Variants in CHST9 observed in about 807,000 individuals in gnomAD.
CHST9 encodes the protein carbohydrate sulfotransferase 9.
In CHST9, 41 loss-of-function variants were observed where a neutral mutation model predicts 44.4. The observed-to-expected ratio is 0.92, with a 90% CI of 0.72 to 1.20. CHST9 has a LOEUF of 1.20. Among genes scored for constraint, CHST9 ranks in the 50% most tolerant of loss-of-function variants. The probability of loss-of-function intolerance (pLI) is 0.00; values close to 1 mark genes in which losing one functional copy is unlikely to be tolerated. For synonymous variants in CHST9, 171 were observed against 178.4 expected (o/e 0.96, Z 0.33); for missense variants, 504 against 516.5 (o/e 0.98, Z 0.23).
At chr18:26,987,820 A>C (rs1311011079) in intron 4 of CHST9, among the ~76,000 whole-genome samples, 1 of 152,166 alleles carries the variant, frequency 6.6e-6, no homozygotes, top group Non-Finnish European at 1.5e-5. Context: ...CCTTTCCACC[A>C]TGTGAGGACC....
chr18:26,987,852 C>A (rs184355024), intron 4 of CHST9, among the ~76,000 whole-genome samples: 2 of 152,262 alleles, frequency 1.3e-5, no homozygotes, highest in African/African-American at 4.8e-5. Context: ...TGGCAGTCTG[C>A]AACTTGGATA....
chr18:27,173,160 T>C (rs2058845339), intron 1 of CHST9, among the ~76,000 whole-genome samples: 1 of 152,082 alleles, frequency 6.6e-6, no homozygotes, highest in Non-Finnish European at 1.5e-5. Flanking sequence ...TCATAGAACC[T>C]GTACTTGATG....
At position 26,912,459 on chromosome 18, in the gene CHST9, G is replaced by C. The variant is rs2055455240; in HGVS notation, c.*3800C>G. 6.6e-6 allele frequency: 1 copy of C among 150,446 alleles called. No homozygotes were observed. The highest frequency in any genetic ancestry group is 2.5e-5 in the African/African-American group (1 of 40,776). 9.3% of individuals were successfully genotyped at this position (150,446 alleles called of 1,614,324 possible). A position where few individuals can be genotyped will look rare whatever the true frequency, so the allele number is the denominator to read the frequency against. On this transcript the variant is annotated 3_prime_UTR_variant, in exon 6 of 6. Transcript: ENST00000618847. ...AAAAATTTCAGGATTCCAATATATT[G>C]TTTTTGCCTCTACCTATCCTGAATA...
chr18:26,938,128 A>T (rs2145103319), intron 5 of CHST9, among the ~76,000 whole-genome samples: 2 of 152,222 alleles, frequency 1.3e-5, no homozygotes, highest in Non-Finnish European at 2.9e-5. Flanking sequence ...TCTGAAGGCC[A>T]TATTCTCAGC....
intron 1 of CHST9, among the ~76,000 whole-genome samples, chr18:27,184,290 A>G (rs1468448012): frequency 6.6e-6 from 1 of 152,108 alleles, no homozygotes; most frequent in South Asian, 2.1e-4. Flanking sequence ...AGAGAGAGAG[A>G]AAGGAGGAAG....
intron 4 of CHST9, among the ~76,000 whole-genome samples, chr18:26,991,516 G>A (rs1018846094): frequency 3.4e-5 from 5 of 149,228 alleles, no homozygotes; most frequent in Admixed American, 6.8e-5. Flanking sequence ...AGAGAGAGAT[G>A]TGGTTGGATA....
At chr18:26,968,154 A>T (rs1471326536) in intron 4 of CHST9, among the ~76,000 whole-genome samples, 1 of 152,060 alleles carries the variant, frequency 6.6e-6, no homozygotes, top group Non-Finnish European at 1.5e-5. Context: ...CTTCTAATAA[A>T]CTTTCCTTCG....
intron 4 of CHST9, among the ~76,000 whole-genome samples, chr18:26,980,427 T>C (rs1293613549): frequency 6.6e-6 from 1 of 152,070 alleles, no homozygotes; most frequent in Non-Finnish European, 1.5e-5. Flanking sequence ...CAAACATAAA[T>C]TGGAGGATGA....
At chr18:27,176,749 A>G (rs1018292064) in intron 1 of CHST9, among the ~76,000 whole-genome samples, 2 of 152,040 alleles carry the variant, frequency 1.3e-5, no homozygotes, top group African/African-American at 4.8e-5. Flanking sequence ...TGGTATATGT[A>G]TGTTGAGAAA....
intron 2 of CHST9, among the ~76,000 whole-genome samples, chr18:27,101,465 C>T (rs2058171194): frequency 7.0e-6 from 1 of 142,276 alleles, no homozygotes; most frequent in African/African-American, 2.6e-5. Context: ...CGGTGGCGGG[C>T]GCCTGTAGTC....
At chr18:27,072,399 T>G (rs149884915) in intron 2 of CHST9, among the ~76,000 whole-genome samples, 2 of 152,202 alleles carry the variant, frequency 1.3e-5, no homozygotes, top group East Asian at 3.9e-4. Context: ...AGTGGACTCA[T>G]GATGAACATT....
intron 1 of CHST9, among the ~76,000 whole-genome samples, chr18:27,159,510 A>G (rs2058727944): frequency 6.6e-6 from 1 of 152,144 alleles, no homozygotes; most frequent in Non-Finnish European, 1.5e-5. Context: ...TGGTTACTGT[A>G]GCCTTGTAGT....
chr18:27,150,104 T>C (rs2058647851), intron 1 of CHST9, among the ~76,000 whole-genome samples: 1 of 125,476 alleles, frequency 8.0e-6, no homozygotes, highest in Non-Finnish European at 1.7e-5. Flanking sequence ...GCTTTTTGAT[T>C]TTTTTTTTTT....
chr18:26,978,597 GAGGGATAAACAC>G (rs2056653943), intron 4 of CHST9, among the ~76,000 whole-genome samples: 1 of 152,170 alleles, frequency 6.6e-6, no homozygotes, highest in South Asian at 2.1e-4. Context: ...TTGTGATGCA[GAGGGATAAACAC>G]ATGTTCAGAA....
intron 3 of CHST9, among the ~76,000 whole-genome samples, chr18:27,038,104 A>C (rs1440860833): frequency 6.6e-6 from 1 of 152,164 alleles, no homozygotes; most frequent in African/African-American, 2.4e-5. Flanking sequence ...AAAATTGATT[A>C]TCTCTCTTTT....
intron 4 of CHST9, among the ~76,000 whole-genome samples, chr18:26,997,813 T>C (rs965776942): frequency 6.6e-6 from 1 of 152,198 alleles, no homozygotes; most frequent in African/African-American, 2.4e-5. Context: ...GGCTGAACCA[T>C]GATTTTTCGG....
At chr18:26,958,836 A>G (rs2056362752) in intron 4 of CHST9, among the ~76,000 whole-genome samples, 1 of 152,232 alleles carries the variant, frequency 6.6e-6, no homozygotes. Flanking sequence ...TGGCGAGGCC[A>G]TGGAGGAAAG....
intron 4 of CHST9, among the ~76,000 whole-genome samples, chr18:27,012,508 T>C (rs950497156): frequency 1.3e-5 from 2 of 152,150 alleles, no homozygotes; most frequent in East Asian, 3.9e-4. Flanking sequence ...AAGGAGTTGG[T>C]CTTGCTATCT....
At chr18:27,064,679 C>T (rs1449558706) in intron 2 of CHST9, among the ~76,000 whole-genome samples, 1 of 152,010 alleles carries the variant, frequency 6.6e-6, no homozygotes, top group Non-Finnish European at 1.5e-5. Context: ...TGGTGAGCTG[C>T]TCCTGCCTCT....
Sources: allele counts gnomAD v4.1 joint callset (sites outside exome capture counted in the v4.1 genomes callset), GRCh38; gene constraint gnomAD v4.1.1; transcripts MANE v1.5; gene names NCBI Gene and HGNC (gene_info 2026-07-23, HGNC 2026-07-21).